The following CCDC146 variants were observed in gnomAD, a reference collection of about 807,000 sequenced individuals.
The protein encoded by CCDC146 is coiled-coil domain containing 146.
CCDC146 carries 92 observed loss-of-function variants against 119.3 expected under a neutral mutation model. The observed-to-expected ratio is 0.77, with a 90% CI of 0.65 to 0.92. The LOEUF (loss-of-function observed/expected upper bound fraction) is 0.92. Among genes scored for constraint, CCDC146 ranks in the 40% least tolerant of loss-of-function variants. The probability of loss-of-function intolerance (pLI) is 0.00; values close to 1 mark genes in which losing one functional copy is unlikely to be tolerated. For missense variants in CCDC146, 1,000 were observed against 1,103.0 expected (o/e 0.91, Z 1.32); for synonymous variants, 372 against 371.8 (o/e 1.00, Z -0.01).
intron 2 of CCDC146, among the ~76,000 whole-genome samples, chr7:77,235,127 CTGTGCCTGGGATTCTAG>C (rs1159216958): frequency 3.9e-5 from 6 of 152,126 alleles, no homozygotes; most frequent in Non-Finnish European, 7.3e-5. Context: ...TGGGATTATA[CTGTGCCTGGGATTCTAG>C]TAATACTTTG....
chr7:77,224,466 T>A (rs932068853), intron 2 of CCDC146, among the ~76,000 whole-genome samples: 1 of 152,150 alleles, frequency 6.6e-6, no homozygotes, highest in African/African-American at 2.4e-5. Context: ...GCTCACCTGG[T>A]TAATCCACAA....
chr7:77,187,692 A>G (rs1164977397), intron 2 of CCDC146, among the ~76,000 whole-genome samples: 1 of 152,214 alleles, frequency 6.6e-6, no homozygotes, highest in African/African-American at 2.4e-5. Flanking sequence ...AAAACCTTTG[A>G]GAGAATACAG....
intron 3 of CCDC146, among the ~76,000 whole-genome samples, chr7:77,239,076 G>T (rs1792794835): frequency 6.6e-6 from 1 of 152,164 alleles, no homozygotes; most frequent in Non-Finnish European, 1.5e-5. Context: ...GAAACTGAAT[G>T]AGTCTTCCAT....
At chr7:77,199,620 C>T (rs1240319834) in intron 2 of CCDC146, 9 of 1,614,032 alleles carry the variant, frequency 5.6e-6, no homozygotes, top group African/African-American at 2.7e-5. Flanking sequence ...GCAGGCTTAC[C>T]TGGTAGGGGC....
intron 1 of CCDC146, among the ~76,000 whole-genome samples, chr7:77,144,346 A>G (rs1452116714): frequency 6.6e-6 from 1 of 151,810 alleles, no homozygotes; most frequent in Non-Finnish European, 1.5e-5. Context: ...TAAATATACA[A>G]TCATGTCATC....
intron 4 of CCDC146, among the ~76,000 whole-genome samples, chr7:77,249,990 A>C (rs1221299212): frequency 6.6e-6 from 1 of 152,016 alleles, no homozygotes; most frequent in Non-Finnish European, 1.5e-5. Context: ...TTTTTACTTT[A>C]AGTGGTTGCC....
rs776925795 is a variant in CCDC146, at chr7:77,294,775, C to G, written c.2777C>G (p.Pro926Arg). ...EADATLPLPKPYGALAPFKPS... is the reference protein window; with the variant it reads ...EADATLPLPKRYGALAPFKPS... ...GATGCCACTCTTCCTTTGCCAAAAC[C>G]TTATGGTGCTTTGGCTCCTTTTAAA... Residue 926 changes from proline to arginine, a missense_variant, in exon 19 of 19, where the codon CCT (proline) becomes CGT (arginine). Pro to Arg is a moderately radical substitution (Grantham distance 103). This residue lies in a region of CCDC146 where 985 missense variants were observed against 1,045.3 expected (regional missense o/e 0.94). Transcript: ENST00000285871. 4 of 1,614,156 alleles carry G rather than the reference C, an allele frequency of 2.5e-6. No homozygotes were observed. Among genetic ancestry groups the G allele is most frequent in the Admixed American group, 1.7e-5 (1 of 60,016 alleles).
At chr7:77,216,699 T>G (rs1403500577) in intron 2 of CCDC146, among the ~76,000 whole-genome samples, 2 of 152,192 alleles carry the variant, frequency 1.3e-5, no homozygotes, top group African/African-American at 4.8e-5. Context: ...TACTGGATGT[T>G]TACTTCCTAT....
At chr7:77,174,594 C>T (rs1791475427) in intron 2 of CCDC146, among the ~76,000 whole-genome samples, 1 of 152,062 alleles carries the variant, frequency 6.6e-6, no homozygotes, top group Non-Finnish European at 1.5e-5. Context: ...CTGATGTTAC[C>T]ATGGCAACAG....
At chr7:77,134,056 T>A (rs1213115018) in intron 1 of CCDC146, among the ~76,000 whole-genome samples, 2 of 152,120 alleles carry the variant, frequency 1.3e-5, no homozygotes, top group Non-Finnish European at 2.9e-5. Context: ...ATACCCTGCA[T>A]AAGAGAAAAG....
At chr7:77,125,527 C>T (rs1055265805) in intron 1 of CCDC146, among the ~76,000 whole-genome samples, 2 of 151,502 alleles carry the variant, frequency 1.3e-5, no homozygotes, top group Non-Finnish European at 2.9e-5. Context: ...TATAAGAAAA[C>T]AATTTTAAAG....
At chr7:77,199,766 T>A (rs139205757) in intron 2 of CCDC146, 55 of 1,613,998 alleles carry the variant, frequency 3.4e-5, no homozygotes, top group Non-Finnish European at 4.2e-5. Flanking sequence ...ACAGCTGAGC[T>A]CAGCCAGTAC....
chr7:77,276,197 C>T (rs1419094384), intron 11 of CCDC146, among the ~76,000 whole-genome samples: 3 of 104,818 alleles, frequency 2.9e-5, no homozygotes, highest in Non-Finnish European at 5.5e-5. Flanking sequence ...CAGAGCGAGA[C>T]TTCCTCTCAA....
chr7:77,152,569 G>A (rs1356607846), intron 1 of CCDC146, among the ~76,000 whole-genome samples: 3 of 152,202 alleles, frequency 2.0e-5, no homozygotes, highest in East Asian at 3.9e-4. Flanking sequence ...TTCTTTAATG[G>A]TGTTCCTCCC....
At chr7:77,285,290 T>A (rs1371549731) in intron 15 of CCDC146, among the ~76,000 whole-genome samples, 1 of 152,212 alleles carries the variant, frequency 6.6e-6, no homozygotes, top group Non-Finnish European at 1.5e-5. Context: ...TTATTTAGTT[T>A]CCTAATTAAG....
intron 2 of CCDC146, chr7:77,199,389 A>G: frequency 6.2e-7 from 1 of 1,613,798 alleles, no homozygotes; most frequent in Non-Finnish European, 8.5e-7. Flanking sequence ...TGTTAACCTC[A>G]CTCTCTAATT....
At position 77,282,673 on chromosome 7, in the gene CCDC146, T is replaced by A; in HGVS notation, c.2036T>A (p.Ile679Asn). The change falls in exon 15 of 19, where the codon ATC (isoleucine) becomes AAC (asparagine). Residue 679 changes from isoleucine (I) to asparagine (N), a missense_variant. Coordinates refer to ENST00000285871, the MANE Select transcript of CCDC146 (RefSeq NM_020879.3). Reference protein sequence around the residue: ...EIEIHLLEEKIQFLKMKIAEK... With the variant: ...EIEIHLLEEKNQFLKMKIAEK... ...GAAATACATCTACTGGAAGAAAAGA[T>A]CCAATTCCTGAAAATGAAGATTGCT... The A allele has an allele frequency of 1.9e-6, 3 of 1,613,774 alleles. No homozygotes were observed. The highest frequency in any genetic ancestry group is 2.5e-6 in the Non-Finnish European group (3 of 1,179,682).
chr7:77,165,151 C>T (rs1315160257), intron 1 of CCDC146, among the ~76,000 whole-genome samples: 1 of 152,080 alleles, frequency 6.6e-6, no homozygotes, highest in East Asian at 1.9e-4. Flanking sequence ...CCCTTGCTGA[C>T]TAAGACAGAG....
intron 2 of CCDC146, among the ~76,000 whole-genome samples, chr7:77,233,525 T>C (rs201265775): frequency 0.068 from 10,419 of 152,260 alleles, 715 homozygotes; most frequent in East Asian, 0.27. Context: ...CCCCCCAACC[T>C]TTTTGACACC....
Sources: gnomAD v4.1 joint callset for allele counts (sites outside exome capture counted in the v4.1 genomes callset) on GRCh38, gnomAD v4.1.1 for gene constraint, gnomAD v4.1.1 regional missense constraint, MANE v1.5 for transcripts, NCBI Gene and HGNC (gene_info 2026-07-23, HGNC 2026-07-21) for gene names.